The following SLC38A6 variants were observed in gnomAD, a reference collection of about 807,000 sequenced individuals.
SLC38A6 encodes the protein N system amino acid transporter NAT-1.
SLC38A6 carries 73 observed loss-of-function variants against 65.0 expected under a neutral mutation model. The observed-to-expected ratio is 1.12, with a 90% CI of 0.93 to 1.37. The LOEUF (loss-of-function observed/expected upper bound fraction) is 1.37, where lower values mean the gene tolerates loss of function less well. Ranked by LOEUF, SLC38A6 falls within the 40% of genes most tolerant of loss-of-function variation. SLC38A6 has a pLI of 0.00. For missense variants in SLC38A6, 561 were observed against 531.1 expected (o/e 1.06, Z -0.55); for synonymous variants, 183 against 178.8 (o/e 1.02, Z -0.19).
intron 3 of SLC38A6, among the ~76,000 whole-genome samples, chr14:61,011,922 CTT>C: frequency 6.6e-6 from 1 of 152,168 alleles, no homozygotes; most frequent in Non-Finnish European, 1.5e-5. Flanking sequence ...AGGATTCCCT[CTT>C]TTTCTATTGA....
At chr14:61,041,087 G>T (rs1173050555) in intron 8 of SLC38A6, among the ~76,000 whole-genome samples, 4 of 152,170 alleles carry the variant, frequency 2.6e-5, no homozygotes, top group African/African-American at 7.2e-5. Flanking sequence ...AGAAGCAAAG[G>T]GCTTAGAGCA....
chr14:61,040,585 C>T (rs140178467), intron 8 of SLC38A6, among the ~76,000 whole-genome samples: 1,945 of 152,092 alleles, frequency 0.013, 43 homozygotes, highest in African/African-American at 0.045. Context: ...ATGATCCGCC[C>T]GCCTGGGCCT....
chr14:61,006,602 A>G (rs1369862811), intron 3 of SLC38A6, among the ~76,000 whole-genome samples: 2 of 152,244 alleles, frequency 1.3e-5, no homozygotes, highest in African/African-American at 2.4e-5. Context: ...CATCAGAGAA[A>G]TGCAAATCAA....
chr14:61,065,344 G>A (rs2042987041), intron 15 of SLC38A6, among the ~76,000 whole-genome samples: 1 of 152,162 alleles, frequency 6.6e-6, no homozygotes, highest in African/African-American at 2.4e-5. Flanking sequence ...CTTCAGCTTA[G>A]TATACTGGTA....
chr14:61,030,746 C>G (rs2040931101), intron 6 of SLC38A6: 2 of 387,000 alleles, frequency 5.2e-6, no homozygotes, highest in Non-Finnish European at 9.4e-6. Flanking sequence ...ATATGAAGCA[C>G]CAGATATAAT....
intron 6 of SLC38A6, among the ~76,000 whole-genome samples, chr14:61,033,100 C>G (rs1291996939): frequency 6.6e-6 from 1 of 151,790 alleles, no homozygotes. Flanking sequence ...GTTGGAAGCT[C>G]TCTGTTAACA....
chr14:61,047,907 A>G (rs1373203478), intron 12 of SLC38A6, among the ~76,000 whole-genome samples: 2 of 152,076 alleles, frequency 1.3e-5, no homozygotes, highest in African/African-American at 4.8e-5. Context: ...TGATTGATTA[A>G]TAGGTAGGTG....
At chr14:60,993,232 G>T (rs2038043718) in intron 3 of SLC38A6, among the ~76,000 whole-genome samples, 2 of 152,166 alleles carry the variant, frequency 1.3e-5, no homozygotes, top group Non-Finnish European at 2.9e-5. Context: ...ATGTGAGGTA[G>T]AAATTGTTAC....
At chr14:61,065,254 C>T (rs747501147) in intron 15 of SLC38A6, among the ~76,000 whole-genome samples, 1 of 152,120 alleles carries the variant, frequency 6.6e-6, no homozygotes. Context: ...ACGGGTAGCA[C>T]GTTACTGGAT....
At chr14:61,047,103 A>C (rs531129045) in intron 12 of SLC38A6, among the ~76,000 whole-genome samples, 2 of 152,252 alleles carry the variant, frequency 1.3e-5, no homozygotes, top group African/African-American at 4.8e-5. Context: ...TTCTTTTATT[A>C]AAATTGCTAC....
At chr14:61,015,665 T>C (rs1181000565) in intron 3 of SLC38A6, among the ~76,000 whole-genome samples, 1 of 152,226 alleles carries the variant, frequency 6.6e-6, no homozygotes, top group African/African-American at 2.4e-5. Flanking sequence ...AATGAAAGAT[T>C]TGATGAAAAT....
chr14:61,003,429 T>A (rs546787370), intron 3 of SLC38A6, among the ~76,000 whole-genome samples: 22 of 152,302 alleles, frequency 1.4e-4, no homozygotes, highest in Admixed American at 1.2e-3. Context: ...GTTTTTCCAG[T>A]TGAAACAATA....
chr14:61,062,058 T>A (rs1431075203), intron 15 of SLC38A6, among the ~76,000 whole-genome samples: 1 of 152,108 alleles, frequency 6.6e-6, no homozygotes, highest in Non-Finnish European at 1.5e-5. Context: ...AGGCTGGTCT[T>A]GTACTCCTGA....
At chr14:61,064,235 A>G (rs541834146) in intron 15 of SLC38A6, among the ~76,000 whole-genome samples, 16 of 152,216 alleles carry the variant, frequency 1.1e-4, no homozygotes, top group Admixed American at 3.9e-4. Context: ...AGCCAGAGCC[A>G]GTCAATCCGA....
chr14:61,079,987 C>T (rs1379507680), intron 16 of SLC38A6, among the ~76,000 whole-genome samples: 1 of 152,146 alleles, frequency 6.6e-6, no homozygotes, highest in Non-Finnish European at 1.5e-5. Flanking sequence ...TCTTTCTTAT[C>T]CTCACTGTCT....
At chr14:61,021,801 C>G (rs994740207) in intron 5 of SLC38A6, among the ~76,000 whole-genome samples, 1 of 152,154 alleles carries the variant, frequency 6.6e-6, no homozygotes, top group Non-Finnish European at 1.5e-5. Flanking sequence ...TCAGTAATAA[C>G]CAAATACATA....
Position 61,043,455 on chromosome 14 carries a change from A to G in SLC38A6, c.696A>G (p.Ser232=). ...LNYVEKGFQI[S]NVTDDCKPKL... The stretch of plus-strand genomic sequence containing the variant: ...CCCTCAATGCTCTTAAACAGATTTC[A>G]AATGTTACAGATGATTGTAAGCCAA... Residue 232 remains serine (S), a synonymous_variant, in exon 10 of 16, where the codon TCA becomes TCG. Transcript: ENST00000267488. 2 of 1,606,842 alleles carry G rather than the reference A, an allele frequency of 1.2e-6. No individual in the cohort carries two copies. Among genetic ancestry groups the G allele is most frequent in the Non-Finnish European group, 1.7e-6 (2 of 1,177,160 alleles).
Position 61,069,607 on chromosome 14 carries a change from C to T in SLC38A6, c.1291-9203C>T, listed in dbSNP as rs539667312. 3.3e-5 allele frequency among the ~76,000 whole-genome samples: 5 copies of T among 152,114 alleles called. No homozygotes were observed. The South Asian group carries it at 8.3e-4, about 25-fold the overall frequency. On this transcript the variant is annotated intron_variant, in intron 15 of 16. Transcript: ENST00000354886. ...ACCTATCCAAATGCTTCTCATTCTT[C>T]AACACCCAGCTCAAATCCCACTTCT... is the stretch of plus-strand genomic sequence containing the variant.
chr14:60,983,711 T>C (rs2037248240), intron 2 of SLC38A6, among the ~76,000 whole-genome samples: 1 of 152,236 alleles, frequency 6.6e-6, no homozygotes, highest in African/African-American at 2.4e-5. Flanking sequence ...TATTATGGAA[T>C]GTACTCACAA....
Sources: gnomAD v4.1 joint callset for allele counts (sites outside exome capture counted in the v4.1 genomes callset) on GRCh38, gnomAD v4.1.1 for gene constraint, MANE v1.5 for transcripts, NCBI Gene and HGNC (gene_info 2026-07-23, HGNC 2026-07-21) for gene names.